KIAA1191: variants seen among roughly 807,000 people sequenced by gnomAD.
KIAA1191 encodes KIAA1191, also known as putative monooxygenase p33MONOX.
In KIAA1191, 22 loss-of-function variants were observed where a neutral mutation model predicts 31.1. The ratio of observed to expected loss-of-function variants is 0.71; its 90% confidence interval spans 0.51 to 1.01. The LOEUF (loss-of-function observed/expected upper bound fraction) is 1.01, where lower values mean the gene tolerates loss of function less well. Among genes scored for constraint, KIAA1191 ranks in the 50% least tolerant of loss-of-function variants. KIAA1191 has a pLI of 0.00. For synonymous variants in KIAA1191, 130 were observed against 143.9 expected (o/e 0.90, Z 0.69); for missense variants, 319 against 388.0 (o/e 0.82, Z 1.49).
At chr5:176,357,294 C>G (rs1243329229) in intron 3 of KIAA1191, 1 of 151,534 alleles carries the variant, frequency 6.6e-6, no homozygotes, top group Non-Finnish European at 1.5e-5. Flanking sequence ...GAGCGAGATT[C>G]CATCTCAAAA....
chr5:176,347,721 T>C lies in KIAA1191; in HGVS notation c.797A>G (p.Asp266Gly), dbSNP rs200927591. The change falls in exon 9 of 9, where the codon GAT becomes GGT. Residue 266 changes from aspartate to glycine, a missense_variant. Transcript: ENST00000298569. ...CTTGGGGGGCTTCAAGGCTGCTGGA[T>C]CTTCAGCCATTCGGTTGGCCTGGGC... ...IRAQANRMAEDPAALKPPKMD... is the reference protein window; with the variant it reads ...IRAQANRMAEGPAALKPPKMD... The C allele has an allele frequency of 5.5e-5, 89 of 1,609,400 alleles. No individual in the cohort carries two copies. Among genetic ancestry groups the C allele is most frequent in the Non-Finnish European group, 7.3e-5 (86 of 1,178,188 alleles).
chr5:176,358,707 CAAAAAT>C (rs958841309), intron 3 of KIAA1191, among the ~76,000 whole-genome samples: 7 of 145,462 alleles, frequency 4.8e-5, no homozygotes, highest in African/African-American at 1.5e-4. Context: ...GAGTGAGACT[CAAAAAT>C]AAAATAAAAC....
intron 6 of KIAA1191, among the ~76,000 whole-genome samples, chr5:176,349,469 C>A (rs1046224739): frequency 1.3e-5 from 2 of 152,178 alleles, no homozygotes; most frequent in African/African-American, 4.8e-5. Context: ...CACATGAAGT[C>A]AGGAGTTCAA....
chr5:176,359,646 G>T (rs1030274867), intron 2 of KIAA1191, 79 bp from the exon 3 acceptor site: 2 of 717,426 alleles, frequency 2.8e-6, no homozygotes, highest in Non-Finnish European at 5.1e-6. Flanking sequence ...AGAATTGAAC[G>T]GCTTGTTTAC....
intron 6 of KIAA1191, among the ~76,000 whole-genome samples, chr5:176,349,539 G>A (rs1036386140): frequency 2.0e-5 from 3 of 152,142 alleles, no homozygotes; most frequent in Non-Finnish European, 2.9e-5. Flanking sequence ...GGGCATGGTG[G>A]CGCATGCCTG....
At chr5:176,350,586 G>GA (rs745361504) in intron 6 of KIAA1191, 27 bp downstream of exon 6, 8 of 1,609,108 alleles carry the variant, frequency 5.0e-6, no homozygotes, top group Non-Finnish European at 6.8e-6. Context: ...TGAAGGTTTT[G>GA]TTTTTTCAAA....
At position 176,347,528 on chromosome 5, in the gene KIAA1191, A is replaced by G; in HGVS notation, c.*72T>C. ...TTAAGTTTTTAAATATACCTTTCCT[A>G]TGTCAAAGCCAAGGTAAAAGGGGAG... On this transcript the variant is annotated 3_prime_UTR_variant, in exon 9 of 9. Transcript: ENST00000298569. The G allele has an allele frequency of 4.9e-6, 6 of 1,224,506 alleles. No individual in the cohort carries two copies. The highest frequency in any genetic ancestry group is 1.9e-5 in the South Asian group (1 of 53,158). The allele number at this position is 1,224,506 out of a possible 1,614,324, so 75.9% of individuals were successfully genotyped here.
intron 3 of KIAA1191, among the ~76,000 whole-genome samples, chr5:176,356,700 C>T (rs1204325187): frequency 2.0e-5 from 3 of 152,272 alleles, no homozygotes; most frequent in African/African-American, 7.2e-5. Context: ...CATTGTGTTT[C>T]GTTTGCTAAT....
chr5:176,359,585 G>A lies in KIAA1191; in HGVS notation c.-59-18C>T, dbSNP rs1024284002. 2 of 1,168,662 alleles carry A rather than the reference G, an allele frequency of 1.7e-6. No individual in the cohort carries two copies. The highest frequency in any genetic ancestry group is 1.9e-4 in the Middle Eastern group (1 of 5,162). The allele number at this position is 1,168,662 out of a possible 1,614,324, so 72.4% of individuals were successfully genotyped here. On this transcript the variant is annotated intron_variant, in intron 2 of 8. Transcript: ENST00000298569. ...CCTGCCACCTAATAAAATAACAAAG[G>A]GCATTTTCTTATGGTGAGCAGCACC... is the stretch of plus-strand genomic sequence containing the variant.
At chr5:176,354,436 C>T (rs1389579925) in intron 4 of KIAA1191, 2 of 152,160 alleles carry the variant, frequency 1.3e-5, no homozygotes, top group African/African-American at 4.8e-5. Flanking sequence ...TTTATTCAGG[C>T]AACAGTCTAG....
intron 4 of KIAA1191, among the ~76,000 whole-genome samples, chr5:176,353,864 C>G (rs1487228555): frequency 6.6e-6 from 1 of 152,226 alleles, no homozygotes; most frequent in Non-Finnish European, 1.5e-5. Context: ...GCCCATTGCT[C>G]TGACATCACA....
chr5:176,350,553 G>A, intron 6 of KIAA1191, 60 bp downstream of exon 6: 2 of 1,586,322 alleles, frequency 1.3e-6, no homozygotes, highest in Non-Finnish European at 8.6e-7. Context: ...CAAAACCACA[G>A]CCACATTTCA....
chr5:176,350,643 G>C lies in KIAA1191; in HGVS notation c.429C>G (p.Thr143=), dbSNP rs746615191. ...TPHKGLTTEE[T]KYLRVAEALH... ...GTGCTTCGGCCACTCGAAGGTACTTGGTCTCCTCGGTGGTGAGGCCCTTGT... is the reference window on the plus strand; with the variant it reads ...GTGCTTCGGCCACTCGAAGGTACTTCGTCTCCTCGGTGGTGAGGCCCTTGT... The change falls in exon 6 of 9, where the codon ACC becomes ACG. Residue 143 remains threonine, a synonymous_variant. Transcript: ENST00000298569. 1 of 1,613,908 alleles carries C rather than the reference G, an allele frequency of 6.2e-7. No individual in the cohort carries two copies. The highest frequency in any genetic ancestry group is 8.5e-7 in the Non-Finnish European group (1 of 1,180,014).
chr5:176,352,172 A>C lies in KIAA1191; in HGVS notation c.334+450T>G, dbSNP rs941487125. Among the ~76,000 whole-genome samples the C allele has an allele frequency of 3.0e-4, 46 of 151,558 alleles. No homozygotes were observed. The East Asian group carries it at 3.9e-3, about 13-fold the overall frequency. On this transcript the variant is annotated intron_variant, in intron 5 of 8. Transcript: ENST00000298569. Reference sequence around the variant, plus strand: ...AGCTGTTTAAAAAAAAAAAAACAAAAAAAAAAACAAAAACTGGGGTAAGTG... The same window carrying C: ...AGCTGTTTAAAAAAAAAAAAACAAACAAAAAAACAAAAACTGGGGTAAGTG...
rs1766609945 is a variant in KIAA1191, at chr5:176,347,512, TA to T, written c.*87del. On this transcript the variant is annotated 3_prime_UTR_variant, in exon 9 of 9. Coordinates refer to ENST00000298569, the MANE Select transcript of KIAA1191 (RefSeq NM_020444.5). ...CACCACGCCCAGCTGATTAAGTTTT[TA>T]AATATACCTTTCCTATGTCAAAGCC... The T allele has an allele frequency of 8.8e-7, 1 of 1,136,814 alleles. No homozygotes were observed. The allele number at this position is 1,136,814 out of a possible 1,614,324, so 70.4% of individuals were successfully genotyped here.
At chr5:176,357,191 C>T (rs1039472438) in intron 3 of KIAA1191, 2 of 152,072 alleles carry the variant, frequency 1.3e-5, no homozygotes, top group African/African-American at 4.8e-5. Flanking sequence ...GTCCCAGCTA[C>T]TTGGGAGACT....
intron 5 of KIAA1191, 75 bp downstream of exon 5, chr5:176,352,547 T>C: frequency 6.5e-7 from 1 of 1,540,198 alleles, no homozygotes. Context: ...CAGTATCATC[T>C]CCAATCAGCT....
intron 3 of KIAA1191, 101 bp downstream of exon 3, chr5:176,359,380 G>T: frequency 1.9e-6 from 2 of 1,033,336 alleles, no homozygotes; most frequent in South Asian, 2.7e-5. Context: ...CTTGGTAGCA[G>T]AGATTAACCA....
chr5:176,355,882 C>A lies in KIAA1191; in HGVS notation c.29-133G>T. On this transcript the variant is annotated intron_variant, in intron 3 of 8. Coordinates refer to ENST00000298569, the MANE Select transcript of KIAA1191 (RefSeq NM_020444.5). The surrounding 1 kb of genome is among the most constrained non-coding windows in gnomAD (Gnocchi z 4.2). ...AGCAAAATAGCTTGTTTTGGAGTAG[C>A]TAATCCCATCCAGGAAAGGCAGTGG... The A allele has an allele frequency of 4.7e-6, 4 of 846,794 alleles. No individual in the cohort carries two copies. Among genetic ancestry groups the A allele is most frequent in the South Asian group, 4.4e-5 (3 of 68,102 alleles). The allele number at this position is 846,794 out of a possible 1,614,324, so 52.5% of individuals were successfully genotyped here. A position where few individuals can be genotyped will look rare whatever the true frequency, so the allele number is the denominator to read the frequency against.
Sources: gnomAD v4.1 joint callset for allele counts (sites outside exome capture counted in the v4.1 genomes callset) on GRCh38, gnomAD v4.1.1 for gene constraint, Gnocchi (gnomAD v3.1) non-coding constraint, MANE v1.5 for transcripts, NCBI Gene and HGNC (gene_info 2026-07-23, HGNC 2026-07-21) for gene names.